Variants in GLIS1 observed in about 807,000 individuals in gnomAD.
GLIS1 encodes GLIS family zinc finger 1, also known as zinc finger protein GLIS1.
In GLIS1, 24 loss-of-function variants were observed where a neutral mutation model predicts 63.8. The ratio of observed to expected loss-of-function variants is 0.38; its 90% confidence interval spans 0.27 to 0.53. The LOEUF (loss-of-function observed/expected upper bound fraction) is 0.53. Ranked by LOEUF, GLIS1 falls within the 20% of genes least tolerant of loss-of-function variation. The pLI is 0.85. For synonymous variants in GLIS1, 450 were observed against 482.5 expected, an observed-to-expected ratio of 0.93 and a Z score of 0.88; for missense variants, 1,036 against 1,074.1, an observed-to-expected ratio of 0.96 and a Z score of 0.50.
At chr1:53,569,151 A>T (rs1644961048) in intron 4 of GLIS1, among the ~76,000 whole-genome samples, 1 of 152,240 alleles carries the variant, frequency 6.6e-6, no homozygotes, top group East Asian at 1.9e-4. Flanking sequence ...CAAGGGAAGG[A>T]GGGATAAACA....
At chr1:53,535,769 C>T (rs1444588052) in intron 4 of GLIS1, among the ~76,000 whole-genome samples, 3 of 152,078 alleles carry the variant, frequency 2.0e-5, no homozygotes, top group Non-Finnish European at 2.9e-5. Flanking sequence ...CCCATTTCCA[C>T]GAGCTATCTG....
intron 6 of GLIS1, among the ~76,000 whole-genome samples, chr1:53,522,174 G>A (rs1174817803): frequency 6.6e-6 from 1 of 152,292 alleles, no homozygotes; most frequent in Non-Finnish European, 1.5e-5. Flanking sequence ...GGAGCAGCAG[G>A]AGAGGAGAAT....
rs1305972497 is a variant in GLIS1 at position 53,567,219 on chromosome 1, G to A, written c.1320+26889C>T. 2.6e-5 allele frequency among the ~76,000 whole-genome samples: 4 copies of A among 152,302 alleles called. No homozygotes were observed. In the East Asian group the frequency reaches 7.7e-4, roughly 29 times the overall value. ...GGTCATTCTTGTTATGCTTTAGCAA[G>A]GAAACTGGTGGCATTGTTCCCCTGC... is the stretch of plus-strand genomic sequence containing the variant. On this transcript the variant is annotated intron_variant, in intron 4 of 10. Transcript: ENST00000628545.
chr1:53,697,028 G>T (rs1025698438), intron 2 of GLIS1, among the ~76,000 whole-genome samples: 9 of 150,554 alleles, frequency 6.0e-5, no homozygotes, highest in Admixed American at 5.2e-4. Flanking sequence ...TAGGAGGTGT[G>T]TCCATATTCA....
intron 2 of GLIS1, among the ~76,000 whole-genome samples, chr1:53,731,412 C>A (rs528235389): frequency 2.6e-5 from 4 of 152,190 alleles, no homozygotes; most frequent in Non-Finnish European, 4.4e-5. Context: ...CCCCCTGCAG[C>A]CTCCTGCTGC....
chr1:53,706,342 G>A (rs2100508443), intron 2 of GLIS1, among the ~76,000 whole-genome samples: 1 of 152,336 alleles, frequency 6.6e-6, no homozygotes, highest in African/African-American at 2.4e-5. Flanking sequence ...GCACTTACAT[G>A]ACAGAGTCTG....
intron 2 of GLIS1, among the ~76,000 whole-genome samples, chr1:53,693,797 C>G (rs1646434368): frequency 6.6e-6 from 1 of 152,212 alleles, no homozygotes; most frequent in Non-Finnish European, 1.5e-5. Context: ...CCTCAGTGCC[C>G]CCACCTGGAA....
At chr1:53,672,952 C>A (rs929999337) in intron 2 of GLIS1, among the ~76,000 whole-genome samples, 4 of 152,346 alleles carry the variant, frequency 2.6e-5, no homozygotes, top group African/African-American at 9.6e-5. Flanking sequence ...CGTGGGCCCT[C>A]CCCTAGGCCC....
At chr1:53,559,687 C>T (rs867904705) in intron 4 of GLIS1, among the ~76,000 whole-genome samples, 3 of 152,188 alleles carry the variant, frequency 2.0e-5, no homozygotes, top group African/African-American at 7.2e-5. Flanking sequence ...CATCCTCCCC[C>T]ACACGCCCTG....
intron 2 of GLIS1, among the ~76,000 whole-genome samples, chr1:53,635,063 T>TG (rs1250485645): frequency 4.0e-5 from 6 of 151,688 alleles, no homozygotes; most frequent in African/African-American, 1.5e-4. Flanking sequence ...CTGTTGTTGT[T>TG]TTTTTTTTAA....
At chr1:53,711,144 C>G (rs908499193) in intron 2 of GLIS1, among the ~76,000 whole-genome samples, 1 of 152,190 alleles carries the variant, frequency 6.6e-6, no homozygotes, top group African/African-American at 2.4e-5. Flanking sequence ...CCAAGTCAGA[C>G]ACAGAACCGA....
intron 4 of GLIS1, among the ~76,000 whole-genome samples, chr1:53,537,154 C>A (rs1266367071): frequency 2.0e-5 from 3 of 152,230 alleles, no homozygotes; most frequent in Admixed American, 2.0e-4. Flanking sequence ...GGCATCCTCG[C>A]CTCTGGGCCA....
At chr1:53,717,561 C>T (rs1570098020) in intron 2 of GLIS1, among the ~76,000 whole-genome samples, 2 of 152,194 alleles carry the variant, frequency 1.3e-5, no homozygotes, top group East Asian at 3.9e-4. Flanking sequence ...AAGGCAAAAC[C>T]CCCACTTCAC....
chr1:53,570,423 C>T (rs1205877808), intron 4 of GLIS1, among the ~76,000 whole-genome samples: 1 of 152,040 alleles, frequency 6.6e-6, no homozygotes, highest in Non-Finnish European at 1.5e-5. Flanking sequence ...CACCTGGCTT[C>T]GTGGAAATTT....
intron 4 of GLIS1, among the ~76,000 whole-genome samples, chr1:53,545,492 C>T (rs1033696256): frequency 1.9e-4 from 29 of 152,284 alleles, no homozygotes; most frequent in African/African-American, 6.3e-4. Context: ...ACCCAAAATA[C>T]GCTGTTAGTG....
chr1:53,656,597 G>A (rs573156053), intron 2 of GLIS1, among the ~76,000 whole-genome samples: 2 of 152,330 alleles, frequency 1.3e-5, no homozygotes, highest in South Asian at 2.1e-4. Flanking sequence ...CTCCTCGTGC[G>A]ATTTGCAATC....
chr1:53,510,173 C>G (rs977659445), intron 8 of GLIS1, 146 bp from the exon 9 acceptor site: 1 of 423,054 alleles, frequency 2.4e-6, no homozygotes, highest in Non-Finnish European at 4.0e-6. Flanking sequence ...AGAAGAGGAG[C>G]TTTTATTTTT....
In GLIS1 at chr1:53,594,895, T is replaced by C; in HGVS notation, c.533A>G (p.Glu178Gly). The change falls in exon 4 of 11, where the codon GAG becomes GGG. Residue 178 changes from glutamate (E) to glycine (G), a missense_variant. Physicochemically the swap from Glu to Gly is moderately conservative, Grantham distance 98. This residue lies in a region of GLIS1 where 592 missense variants were observed against 593.9 expected (regional missense o/e 1.00). Transcript: ENST00000628545. ...ESLPDYQAMAEARTSLSAHCR... is the reference protein window; with the variant it reads ...ESLPDYQAMAGARTSLSAHCR... Reference sequence around the variant, plus strand: ...GTGGGCAGACAGGGATGTGCGGGCCTCTGCCATGGCTTGGTAGTCGGGCAA... The same window carrying C: ...GTGGGCAGACAGGGATGTGCGGGCCCCTGCCATGGCTTGGTAGTCGGGCAA... 10 of 1,535,182 alleles carry C rather than the reference T, an allele frequency of 6.5e-6. No homozygotes were observed. The highest frequency in any genetic ancestry group is 8.7e-6 in the Non-Finnish European group (10 of 1,149,142).
intron 2 of GLIS1, among the ~76,000 whole-genome samples, chr1:53,633,039 G>A (rs1202435176): frequency 7.0e-6 from 1 of 142,630 alleles, no homozygotes; most frequent in African/African-American, 2.6e-5. Flanking sequence ...GCATGTGTAT[G>A]AGTGTGACCG....
Sources: allele counts gnomAD v4.1 joint callset (sites outside exome capture counted in the v4.1 genomes callset), GRCh38; gene constraint gnomAD v4.1.1; regional missense constraint gnomAD v4.1.1; transcripts MANE v1.5; gene names NCBI Gene and HGNC (gene_info 2026-07-23, HGNC 2026-07-21).